The following COX15 variants were observed in gnomAD, a reference collection of about 807,000 sequenced individuals.
COX15 encodes heme A synthase COX15.
In COX15, 51 loss-of-function variants were observed where a neutral mutation model predicts 51.9. The ratio of observed to expected loss-of-function variants is 0.98; its 90% CI spans 0.78 to 1.24. The LOEUF (loss-of-function observed/expected upper bound fraction) is 1.24. Ranked by LOEUF, COX15 falls within the 50% of genes most tolerant of loss-of-function variation. The pLI is 0.00. For missense variants in COX15, 420 were observed against 501.1 expected (o/e 0.84, Z 1.55); for synonymous variants, 188 against 190.5 (o/e 0.99, Z 0.11).
intron 1 of COX15, among the ~76,000 whole-genome samples, chr10:99,731,751 G>T (rs1316520724): frequency 6.6e-6 from 1 of 152,198 alleles, no homozygotes; most frequent in Admixed American, 6.5e-5. Flanking sequence ...TAAGGAAACT[G>T]AAGAACAGAA....
At chr10:99,728,948 A>T (rs2133630419) in intron 2 of COX15, among the ~76,000 whole-genome samples, 1 of 152,360 alleles carries the variant, frequency 6.6e-6, no homozygotes, top group South Asian at 2.1e-4. Context: ...ACAAACTGTA[A>T]AAAAAGTTTT....
intron 1 of COX15, among the ~76,000 whole-genome samples, chr10:99,730,283 T>G (rs1163372992): frequency 1.3e-5 from 2 of 152,182 alleles, no homozygotes; most frequent in Non-Finnish European, 2.9e-5. Context: ...CCTCATAGAA[T>G]GTACTTACAC....
rs886046607 is a variant in COX15, at chr10:99,712,993, G to C, written c.*1594C>G. On this transcript the variant is annotated 3_prime_UTR_variant, in exon 9 of 9. Coordinates refer to ENST00000016171, the MANE Select transcript of COX15 (RefSeq NM_078470.6). ...TCCTTCACCTATTCCCTGTGTGACA[G>C]GGGTTCTGGACTCATCATTCTGATC... is the stretch of plus-strand genomic sequence containing the variant. The C allele has an allele frequency of 1.2e-4, 128 of 1,041,908 alleles. No individual in the cohort carries two copies. Among genetic ancestry groups the C allele is most frequent in the Admixed American group, 3.6e-4 (7 of 19,668 alleles). 64.5% of individuals were successfully genotyped at this position (1,041,908 alleles called of 1,614,324 possible).
chr10:99,704,949 A>T, the COX15 span: 1 of 471,142 alleles, frequency 2.1e-6, no homozygotes. Context: ...GCAGGCTTCG[A>T]CTCCTTCTGA....
At chr10:99,716,555 G>C in intron 7 of COX15, 94 bp from the exon 8 acceptor site, 1 of 848,518 alleles carries the variant, frequency 1.2e-6, no homozygotes. Context: ...CAGCAACCAT[G>C]AAGTACTTTC....
chr10:99,722,620 G>A (rs1165317167), intron 5 of COX15, among the ~76,000 whole-genome samples: 5 of 152,102 alleles, frequency 3.3e-5, no homozygotes, highest in African/African-American at 1.2e-4. Context: ...ATCACCTGAG[G>A]TCAGGAGTTT....
Position 99,714,578 on chromosome 10 carries a change from C to T in COX15, c.*9G>A. Reference sequence around the variant, plus strand: ...CAGTCACAGTCCCAGGAGGCTGGTCCTCTAAGAATCATTTTGGGACTCTTC... The same window carrying T: ...CAGTCACAGTCCCAGGAGGCTGGTCTTCTAAGAATCATTTTGGGACTCTTC... On this transcript the variant is annotated 3_prime_UTR_variant, in exon 9 of 9. Transcript: ENST00000016171. 2 of 1,613,966 alleles carry T rather than the reference C, an allele frequency of 1.2e-6. No individual in the cohort carries two copies. The highest frequency in any genetic ancestry group is 1.7e-6 in the Non-Finnish European group (2 of 1,179,954).
At chr10:99,716,917 T>A (rs1014103866) in intron 7 of COX15, among the ~76,000 whole-genome samples, 1 of 152,010 alleles carries the variant, frequency 6.6e-6, no homozygotes, top group Non-Finnish European at 1.5e-5. Flanking sequence ...AAAGTCTCAT[T>A]TTCATTCCTA....
At chr10:99,698,084 T>C in the COX15 span, 1 of 201,064 alleles carries the variant, frequency 5.0e-6, no homozygotes, top group Non-Finnish European at 1.0e-5. Flanking sequence ...TCCATCACCA[T>C]TGCCAGCCAT....
chr10:99,727,368 A>G, intron 3 of COX15, 73 bp downstream of exon 3: 1 of 1,586,412 alleles, frequency 6.3e-7, no homozygotes, highest in African/African-American at 1.3e-5. Context: ...TAATCTAACC[A>G]TTCTGAAGGG....
rs745754644 is a variant in COX15 at position 99,718,337 on chromosome 10, T to A, written c.987+9A>T. The stretch of plus-strand genomic sequence containing the variant: ...TGCTCTCTGGCAGGTAACCACCAAC[T>A]ACACTTACCAGAATCCGGTGATCAA... On this transcript the variant is annotated intron_variant, in intron 7 of 8. Transcript: ENST00000016171. The A allele has an allele frequency of 1.9e-6, 3 of 1,614,076 alleles. No individual in the cohort carries two copies. Among genetic ancestry groups the A allele is most frequent in the Non-Finnish European group, 2.5e-6 (3 of 1,180,000 alleles).
At position 99,712,586 on chromosome 10, in the gene COX15, T is replaced by C. The variant is rs2036429655; in HGVS notation, c.*2001A>G. On this transcript the variant is annotated 3_prime_UTR_variant, in exon 9 of 9. Transcript: ENST00000016171. ...ATTGTCACTGTATGGAATCTAGGTA[T>C]ATCCAAGGAAAAATAAACTTAAGAT... The C allele has an allele frequency of 1.0e-6, 1 of 984,430 alleles. No homozygotes were observed. 61.0% of individuals were successfully genotyped at this position (984,430 alleles called of 1,614,324 possible).
chr10:99,702,887 G>A, the COX15 span, among the ~76,000 whole-genome samples: 1 of 152,148 alleles, frequency 6.6e-6, no homozygotes, highest in Non-Finnish European at 1.5e-5. Flanking sequence ...AGCATTACTG[G>A]TCTGGAGTCT....
chr10:99,713,365 G>A lies in COX15; in HGVS notation c.*1222C>T. The A allele has an allele frequency of 6.2e-7, 1 of 1,613,222 alleles. No homozygotes were observed. Among genetic ancestry groups the A allele is most frequent in the Admixed American group, 1.7e-5 (1 of 60,010 alleles). ...GGTCATTCTGGGACTGTTTTCAGTT[G>A]CCACTGTCATCTATTATATTAGCAA... On this transcript the variant is annotated 3_prime_UTR_variant, in exon 9 of 9. Transcript: ENST00000016171.
At chr10:99,723,434 G>A (rs1034375724) in intron 5 of COX15, among the ~76,000 whole-genome samples, 38 of 151,946 alleles carry the variant, frequency 2.5e-4, no homozygotes, top group Admixed American at 1.8e-3. Context: ...GAGCCACCGC[G>A]CCTGGCCAAG....
At chr10:99,696,900 GA>G in the COX15 span, among the ~76,000 whole-genome samples, 10 of 152,194 alleles carry the variant, frequency 6.6e-5, no homozygotes, top group African/African-American at 2.2e-4. Context: ...CAGCAGTGCT[GA>G]GGGTCTAGCC....
chr10:99,724,236 G>A, intron 4 of COX15, 113 bp from the exon 5 acceptor site: 1 of 1,215,670 alleles, frequency 8.2e-7, no homozygotes, highest in Non-Finnish European at 1.2e-6. Flanking sequence ...AGGCTGGAGT[G>A]CAGTGGCGGG....
chr10:99,724,327 TGC>T (rs1415362014), intron 4 of COX15, among the ~76,000 whole-genome samples: 2 of 152,054 alleles, frequency 1.3e-5, no homozygotes, highest in African/African-American at 4.8e-5. Flanking sequence ...GGACTACAGT[TGC>T]GCATCACCAC....
In COX15 at chr10:99,711,202, G is replaced by A; in HGVS notation, c.*3385C>T. On this transcript the variant is annotated 3_prime_UTR_variant, in exon 9 of 9. Transcript: ENST00000016171. ...GTTTTTCCAAATGTACTCATCATCTGTAATAAAAGAAAAATGAAGTAAAAC... is the reference window on the plus strand; with the variant it reads ...GTTTTTCCAAATGTACTCATCATCTATAATAAAAGAAAAATGAAGTAAAAC... 1.0e-6 allele frequency: 1 copy of A among 985,282 alleles called. No individual in the cohort carries two copies. Among genetic ancestry groups the A allele is most frequent in the Non-Finnish European group, 1.2e-6 (1 of 829,844 alleles). The allele number at this position is 985,282 out of a possible 1,614,324, so 61.0% of individuals were successfully genotyped here. A position where few individuals can be genotyped will look rare whatever the true frequency, so the allele number is the denominator to read the frequency against.
Sources: allele counts gnomAD v4.1 joint callset (sites outside exome capture counted in the v4.1 genomes callset), GRCh38; gene constraint gnomAD v4.1.1; transcripts MANE v1.5; gene names NCBI Gene and HGNC (gene_info 2026-07-23, HGNC 2026-07-21).